Variants in RUFY2 observed in about 807,000 individuals in gnomAD.
The protein encoded by RUFY2 is RUN and FYVE domain-containing protein 2.
A neutral mutation model predicts 94.4 loss-of-function variants in RUFY2; 49 were observed. That is an observed-to-expected ratio of 0.52 (90% CI 0.41 to 0.66). The LOEUF (loss-of-function observed/expected upper bound fraction) is 0.66. Ranked by LOEUF, RUFY2 falls within the 30% of genes least tolerant of loss-of-function variation. The pLI is 0.00. For missense variants in RUFY2, 541 were observed against 692.8 expected (o/e 0.78, Z 2.46); for synonymous variants, 255 against 235.7 (o/e 1.08, Z -0.75).
At chr10:68,388,152 T>C (rs1245334360) in intron 7 of RUFY2, among the ~76,000 whole-genome samples, 1 of 151,556 alleles carries the variant, frequency 6.6e-6, no homozygotes, top group African/African-American at 2.4e-5. Flanking sequence ...CCCTCAATAG[T>C]AGTTTTGAGT....
chr10:68,367,060 C>T (rs1408932260), intron 13 of RUFY2, among the ~76,000 whole-genome samples: 6 of 150,890 alleles, frequency 4.0e-5, no homozygotes, highest in African/African-American at 1.2e-4. Flanking sequence ...CTCATCTACT[C>T]GGGAGGCTGA....
At chr10:68,395,345 T>C (rs952885156) in intron 4 of RUFY2, among the ~76,000 whole-genome samples, 8 of 126,568 alleles carry the variant, frequency 6.3e-5, no homozygotes, top group African/African-American at 2.3e-4. Flanking sequence ...CTCAAGAAAA[T>C]AAAAAAAAAA....
chr10:68,363,584 A>C lies in RUFY2; in HGVS notation c.1550+6T>G, dbSNP rs759038735. The C allele has an allele frequency of 1.3e-6, 2 of 1,574,786 alleles. No individual in the cohort carries two copies. The highest frequency in any genetic ancestry group is 1.7e-6 in the Non-Finnish European group (2 of 1,161,630). On this transcript the variant is annotated splice_donor_region_variant and intron_variant, in intron 15 of 17. Coordinates refer to ENST00000602465, the MANE Select transcript of RUFY2 (RefSeq NM_001330103.2). ...GACTACTTAGTTGAAGGAAAAAAGAAATTACTCGCTAAGCTTGTTGCCGAG... is the reference window on the plus strand; with the variant it reads ...GACTACTTAGTTGAAGGAAAAAAGACATTACTCGCTAAGCTTGTTGCCGAG...
rs1235098742 is a variant in RUFY2, at chr10:68,366,759, T to TATATAA, written c.1326-2647_1326-2646insTTATAT. ...TCTAAAATATATATATATATATATA[T>TATATAA]AATATTAAATATATTAAATAAATAA... On this transcript the variant is annotated intron_variant, in intron 13 of 17. Transcript: ENST00000602465. Among the ~76,000 whole-genome samples, 987 of 131,828 alleles carry TATATAA rather than the reference T, an allele frequency of 7.5e-3. 20 individuals are homozygous for TATATAA. The highest frequency in any genetic ancestry group is 0.025 in the African/African-American group (922 of 37,352). 86.5% of individuals were successfully genotyped at this position (131,828 alleles called of 152,430 possible). A position where few individuals can be genotyped will look rare whatever the true frequency, so the allele number is the denominator to read the frequency against.
chr10:68,354,120 C>G (rs987637123), intron 16 of RUFY2, among the ~76,000 whole-genome samples: 2 of 152,068 alleles, frequency 1.3e-5, no homozygotes, highest in Non-Finnish European at 1.5e-5. Context: ...AGACTGCTAC[C>G]ATCATCATCA....
chr10:68,364,492 A>C (rs12217933), intron 13 of RUFY2, among the ~76,000 whole-genome samples: 1 of 152,180 alleles, frequency 6.6e-6, no homozygotes, highest in Non-Finnish European at 1.5e-5. Flanking sequence ...TTACACTTCT[A>C]TGCCATGTGA....
chr10:68,349,546 A>T (rs1000999821), intron 16 of RUFY2, among the ~76,000 whole-genome samples: 8 of 149,950 alleles, frequency 5.3e-5, no homozygotes, highest in East Asian at 3.9e-4. Flanking sequence ...AGAAAAAAAA[A>T]TTTTTTTTTT....
At position 68,346,005 on chromosome 10, in the gene RUFY2, A is replaced by G. The variant is rs747516734; in HGVS notation, c.1677+2T>C. On this transcript the variant is annotated splice_donor_variant, in intron 17 of 17. Transcript: ENST00000602465. LOFTEE classifies it high-confidence loss of function. ...TTTGGACTCACTTCTTATCTCCCTTACCTTTCTCTTAGAGAGTGAGAATTC... is the reference window on the plus strand; with the variant it reads ...TTTGGACTCACTTCTTATCTCCCTTGCCTTTCTCTTAGAGAGTGAGAATTC... 1.9e-6 allele frequency: 3 copies of G among 1,613,524 alleles called. No homozygotes were observed. Among genetic ancestry groups the G allele is most frequent in the South Asian group, 1.1e-5 (1 of 90,962 alleles).
Position 68,404,699 on chromosome 10 carries a change from C to T in RUFY2, c.150G>A (p.Met50Ile). 2 of 1,611,208 alleles carry T rather than the reference C, an allele frequency of 1.2e-6. No individual in the cohort carries two copies. The highest frequency in any genetic ancestry group is 1.1e-5 in the South Asian group (1 of 90,464). ...TAAGACCGTGTTTCAGGCAATGTTC[C>T]ATAACAACAAAGAATTGCTGCAAGG... is the stretch of plus-strand genomic sequence containing the variant. ...YPPLQQFFVV[M>I]EHCLKHGLKV... is the part of the protein sequence containing the mutation. Residue 50 changes from methionine to isoleucine, a missense_variant, in exon 2 of 18, where the codon ATG becomes ATA. Around this residue, in one of 3 missense-constraint regions of RUFY2, gnomAD observed 53 missense variants for 58.6 expected, o/e 0.90. Coordinates refer to ENST00000602465, the MANE Select transcript of RUFY2 (RefSeq NM_001330103.2).
intron 13 of RUFY2, among the ~76,000 whole-genome samples, chr10:68,364,736 T>C (rs1409714190): frequency 1.3e-5 from 2 of 151,458 alleles, no homozygotes; most frequent in Non-Finnish European, 2.9e-5. Flanking sequence ...TTTTTTTTTT[T>C]CTGAGACAGG....
chr10:68,374,197 A>G (rs2048467504), intron 13 of RUFY2, among the ~76,000 whole-genome samples: 2 of 147,402 alleles, frequency 1.4e-5, no homozygotes, highest in African/African-American at 5.1e-5. Flanking sequence ...ACACTTTGGG[A>G]GGCAAAGGTG....
At position 68,407,255 on chromosome 10, in the gene RUFY2, G is replaced by GCT; in HGVS notation, c.-68_-67dup. 8.0e-7 allele frequency: 1 copy of GCT among 1,254,360 alleles called. No individual in the cohort carries two copies. Among genetic ancestry groups the GCT allele is most frequent in the East Asian group, 3.2e-5 (1 of 31,174 alleles). The allele number at this position is 1,254,360 out of a possible 1,614,324, so 77.7% of individuals were successfully genotyped here. ...GCCTGTCCAGCAGCTCCTTCCAGGCGCTCGGCGGCCACCACCGCATCTGCA... is the reference window on the plus strand; with the variant it reads ...GCCTGTCCAGCAGCTCCTTCCAGGCGCTCTCGGCGGCCACCACCGCATCTGCA... On this transcript the variant is annotated 5_prime_UTR_variant, in exon 1 of 18. Coordinates refer to ENST00000602465, the MANE Select transcript of RUFY2 (RefSeq NM_001330103.2).
chr10:68,362,642 T>C (rs1021495892), intron 15 of RUFY2, among the ~76,000 whole-genome samples: 2 of 151,862 alleles, frequency 1.3e-5, no homozygotes, highest in African/African-American at 4.8e-5. Context: ...AATAAAAAAT[T>C]AGTAGGGCAT....
chr10:68,353,447 A>G (rs1358714668), intron 16 of RUFY2, among the ~76,000 whole-genome samples: 4 of 151,894 alleles, frequency 2.6e-5, no homozygotes, highest in African/African-American at 9.7e-5. Flanking sequence ...CAGTGAGCCG[A>G]GATCATGCCA....
chr10:68,381,209 T>C, intron 11 of RUFY2, 23 bp downstream of exon 11: 2 of 1,542,448 alleles, frequency 1.3e-6, no homozygotes, highest in South Asian at 1.2e-5. Context: ...TTACATAAAA[T>C]GAAATTTAAG....
chr10:68,364,303 T>C (rs941156144), intron 13 of RUFY2, among the ~76,000 whole-genome samples, 190 bp from the exon 14 acceptor site: 1 of 152,218 alleles, frequency 6.6e-6, no homozygotes, highest in African/African-American at 2.4e-5. Flanking sequence ...CACAAAATAC[T>C]GACTCATTTG....
intron 13 of RUFY2, among the ~76,000 whole-genome samples, chr10:68,367,712 ATCTC>A (rs1358131987): frequency 2.6e-5 from 2 of 76,780 alleles, no homozygotes; most frequent in South Asian, 3.4e-4. Flanking sequence ...TTCTTTCTCT[ATCTC>A]TCTCCCTCCC....
intron 6 of RUFY2, 91 bp downstream of exon 6, chr10:68,393,984 A>G: frequency 7.0e-7 from 1 of 1,432,172 alleles, no homozygotes; most frequent in South Asian, 1.3e-5. Context: ...ACAACAAAAT[A>G]AAACCACACT....
At chr10:68,372,869 C>T (rs749673355) in intron 13 of RUFY2, among the ~76,000 whole-genome samples, 1 of 151,574 alleles carries the variant, frequency 6.6e-6, no homozygotes, top group Non-Finnish European at 1.5e-5. Flanking sequence ...GGTCACACCA[C>T]TGCACTCCAG....
Sources: allele counts gnomAD v4.1 joint callset (sites outside exome capture counted in the v4.1 genomes callset), GRCh38; gene constraint gnomAD v4.1.1; regional missense constraint gnomAD v4.1.1; transcripts MANE v1.5; gene names NCBI Gene and HGNC (gene_info 2026-07-23, HGNC 2026-07-21).